Variants in SORCS2 observed in about 807,000 individuals in gnomAD.
SORCS2 encodes the protein sortilin related VPS10 domain containing receptor 2.
In SORCS2, 100 loss-of-function variants were observed where a neutral mutation model predicts 141.6. The ratio of observed to expected loss-of-function variants is 0.71; its 90% CI spans 0.60 to 0.83. The LOEUF is 0.83. SORCS2 is among the 40% of genes least tolerant of loss of function. The probability of loss-of-function intolerance (pLI) is 0.00; values close to 1 mark genes in which losing one functional copy is unlikely to be tolerated. For synonymous variants in SORCS2, 789 were observed against 676.9 expected, an observed-to-expected ratio of 1.17 and a Z score of -2.57; for missense variants, 1,646 against 1,560.2, an observed-to-expected ratio of 1.05 and a Z score of -0.93.
intron 2 of SORCS2, among the ~76,000 whole-genome samples, chr4:7,423,159 G>C (rs77580694): frequency 0.052 from 7,900 of 152,230 alleles, 689 homozygotes; most frequent in African/African-American, 0.18. Flanking sequence ...TGCCCTCCCT[G>C]TTGGAGGCTC....
At chr4:7,738,375 C>T in intron 26 of SORCS2, among the ~76,000 whole-genome samples, 1 of 152,202 alleles carries the variant, frequency 6.6e-6, no homozygotes, top group East Asian at 1.9e-4. Flanking sequence ...GAGCTGAGGA[C>T]ATGGAAGTGC....
At chr4:7,290,855 C>T (rs1043661171) in intron 1 of SORCS2, among the ~76,000 whole-genome samples, 15 of 152,126 alleles carry the variant, frequency 9.9e-5, no homozygotes, top group Non-Finnish European at 1.8e-4. Flanking sequence ...ATGCTCCAGG[C>T]AGGGCTGAGG....
At chr4:7,547,903 G>A (rs1190551671) in intron 3 of SORCS2, among the ~76,000 whole-genome samples, 1 of 152,162 alleles carries the variant, frequency 6.6e-6, no homozygotes, top group African/African-American at 2.4e-5. Flanking sequence ...ACTGATTAAA[G>A]AGCAATCATT....
At chr4:7,318,279 C>T (rs1055728999) in intron 1 of SORCS2, among the ~76,000 whole-genome samples, 1 of 152,200 alleles carries the variant, frequency 6.6e-6, no homozygotes, top group Non-Finnish European at 1.5e-5. Flanking sequence ...GTGCTGCACC[C>T]TGGTCACCTG....
At chr4:7,412,698 C>A (rs376514535) in intron 2 of SORCS2, among the ~76,000 whole-genome samples, 1 of 151,958 alleles carries the variant, frequency 6.6e-6, no homozygotes, top group South Asian at 2.1e-4. Flanking sequence ...GGGGCGGGGG[C>A]CCTCCCTGCA....
At chr4:7,643,911 G>A (rs1328852121) in intron 4 of SORCS2, among the ~76,000 whole-genome samples, 3 of 152,136 alleles carry the variant, frequency 2.0e-5, no homozygotes, top group African/African-American at 7.2e-5. Flanking sequence ...TTGAGAACAG[G>A]GAAAAGATTG....
intron 10 of SORCS2, 121 bp downstream of exon 10, chr4:7,683,010 C>G (rs1049846118): frequency 5.6e-6 from 7 of 1,249,550 alleles, no homozygotes; most frequent in Non-Finnish European, 7.6e-6. Context: ...CATGAACCAC[C>G]TATTTCTGCT....
intron 2 of SORCS2, among the ~76,000 whole-genome samples, chr4:7,502,442 C>T (rs1732029105): frequency 6.6e-6 from 1 of 152,140 alleles, no homozygotes. Flanking sequence ...CGAAGGAAAG[C>T]CATCAAAAGG....
chr4:7,678,077 G>A (rs1723280722), intron 9 of SORCS2, among the ~76,000 whole-genome samples: 2 of 152,182 alleles, frequency 1.3e-5, no homozygotes, highest in Admixed American at 1.3e-4. Flanking sequence ...GACACAGGCT[G>A]GGTACAACAC....
At chr4:7,475,306 T>C (rs146708551) in intron 2 of SORCS2, among the ~76,000 whole-genome samples, 1,650 of 152,036 alleles carry the variant, frequency 0.011, 29 homozygotes, top group African/African-American at 0.038. Flanking sequence ...GAGCTGGTCA[T>C]GGTGGGAAGA....
intron 3 of SORCS2, among the ~76,000 whole-genome samples, chr4:7,599,602 C>G (rs1458012463): frequency 2.0e-5 from 3 of 152,164 alleles, no homozygotes; most frequent in African/African-American, 7.2e-5. Flanking sequence ...GCAAACTGCA[C>G]ACGTGTCCCA....
At position 7,699,086 on chromosome 4, in the gene SORCS2, T is replaced by A. The variant is rs559310841; in HGVS notation, c.1668+1812T>A. 6.6e-5 allele frequency among the ~76,000 whole-genome samples: 10 copies of A among 152,094 alleles called. No homozygotes were observed. In the South Asian group the frequency reaches 2.1e-3, roughly 32 times the overall value. On this transcript the variant is annotated intron_variant, in intron 12 of 26. Coordinates refer to ENST00000507866, the MANE Select transcript of SORCS2 (RefSeq NM_020777.3). ...CGACATAACCTTTCAAAAACATGAGTTTCCTAGGATGTTTTGTTTAAAGCC... is the reference window on the plus strand; with the variant it reads ...CGACATAACCTTTCAAAAACATGAGATTCCTAGGATGTTTTGTTTAAAGCC...
chr4:7,261,422 G>A (rs2108823314), intron 1 of SORCS2, among the ~76,000 whole-genome samples: 1 of 152,338 alleles, frequency 6.6e-6, no homozygotes, highest in South Asian at 2.1e-4. Context: ...TGCCATGCCT[G>A]CGTGGCCAAG....
chr4:7,588,762 G>GCATA (rs1716708959), intron 3 of SORCS2, among the ~76,000 whole-genome samples: 1 of 152,036 alleles, frequency 6.6e-6, no homozygotes, highest in African/African-American at 2.4e-5. Flanking sequence ...ACACTGACAT[G>GCATA]CATTCATTCA....
chr4:7,677,307 C>T (rs76336098), intron 9 of SORCS2, among the ~76,000 whole-genome samples: 3,173 of 152,354 alleles, frequency 0.021, 113 homozygotes, highest in African/African-American at 0.072. Flanking sequence ...GCAGCAGCCC[C>T]GCCCCGGCCA....
intron 2 of SORCS2, among the ~76,000 whole-genome samples, chr4:7,507,753 GA>G (rs35205095): frequency 6.6e-6 from 1 of 151,434 alleles, no homozygotes; most frequent in Non-Finnish European, 1.5e-5. Flanking sequence ...CCAATGGGGG[GA>G]AAAGTTAAGG....
intron 3 of SORCS2, among the ~76,000 whole-genome samples, chr4:7,628,417 G>A (rs1719661543): frequency 6.6e-6 from 1 of 151,914 alleles, no homozygotes; most frequent in Non-Finnish European, 1.5e-5. Flanking sequence ...TACTAGGGAG[G>A]CTGAGGCAGG....
rs183247344 is a variant in SORCS2 at position 7,369,519 on chromosome 4, C to A, written c.481-26769C>A. 3.7e-4 allele frequency among the ~76,000 whole-genome samples: 56 copies of A among 152,310 alleles called. No individual in the cohort carries two copies. The East Asian group carries it at 8.5e-3, about 23-fold the overall frequency. On this transcript the variant is annotated intron_variant, in intron 1 of 26. Coordinates refer to ENST00000507866, the MANE Select transcript of SORCS2 (RefSeq NM_020777.3). ...AGGCACAGAGCCGTATTTGCTAAGC[C>A]ACACAGGCTCCAGAGGCTTGACTTG...
At chr4:7,326,805 CG>C (rs33911742) in intron 1 of SORCS2, among the ~76,000 whole-genome samples, 15,478 of 152,314 alleles carry the variant, frequency 0.1, 858 homozygotes, top group East Asian at 0.15. Flanking sequence ...GCCCAGTGTC[CG>C]GGGCAGGAAG....
Sources: gnomAD v4.1 joint callset for allele counts (sites outside exome capture counted in the v4.1 genomes callset) on GRCh38, gnomAD v4.1.1 for gene constraint, MANE v1.5 for transcripts, NCBI Gene and HGNC (gene_info 2026-07-23, HGNC 2026-07-21) for gene names.